Variants in GRIA4 observed in about 807,000 individuals in gnomAD.
GRIA4 encodes glutamate receptor 4.
Under a neutral mutation model 104.0 loss-of-function variants are expected in GRIA4, and 34 were observed. That is an observed-to-expected ratio of 0.33 (90% confidence interval 0.25 to 0.44). The LOEUF is 0.44. GRIA4 is among the 20% of genes least tolerant of loss of function. The pLI is 1.00. For missense variants in GRIA4, 750 were observed against 1,096.5 expected, an observed-to-expected ratio of 0.68 and a Z score of 4.46; for synonymous variants, 386 against 381.9, an observed-to-expected ratio of 1.01 and a Z score of -0.13.
chr11:105,909,210 A>G (rs1279930093), intron 9 of GRIA4, among the ~76,000 whole-genome samples: 1 of 152,160 alleles, frequency 6.6e-6, no homozygotes, highest in African/African-American at 2.4e-5. Flanking sequence ...CTGACACGTT[A>G]ATGCTTACTC....
chr11:105,951,682 T>C (rs1393719479), intron 14 of GRIA4, among the ~76,000 whole-genome samples: 4 of 152,166 alleles, frequency 2.6e-5, no homozygotes, highest in Non-Finnish European at 5.9e-5. Context: ...ACATTCAGTA[T>C]TTAAAAATGG....
At chr11:105,649,879 A>G (rs1443878587) in intron 3 of GRIA4, among the ~76,000 whole-genome samples, 1 of 152,112 alleles carries the variant, frequency 6.6e-6, no homozygotes, top group Non-Finnish European at 1.5e-5. Flanking sequence ...GTTCAAATAT[A>G]CAGGAATAAT....
intron 9 of GRIA4, 58 bp from the exon 10 acceptor site, chr11:105,910,377 G>C (rs1947193202): frequency 2.4e-6 from 2 of 827,798 alleles, no homozygotes; most frequent in Non-Finnish European, 4.2e-6. Flanking sequence ...ATTTTTCTAA[G>C]AAGAACTAGA....
At chr11:105,745,262 T>C (rs1292830449) in intron 3 of GRIA4, among the ~76,000 whole-genome samples, 1 of 152,190 alleles carries the variant, frequency 6.6e-6, no homozygotes, top group Non-Finnish European at 1.5e-5. Flanking sequence ...AAGTAATACG[T>C]TTGTTCGTAT....
intron 3 of GRIA4, among the ~76,000 whole-genome samples, chr11:105,692,508 T>A (rs1953125490): frequency 6.6e-6 from 1 of 152,208 alleles, no homozygotes; most frequent in African/African-American, 2.4e-5. Flanking sequence ...AGTCATAAGA[T>A]CAACCTGGAA....
intron 4 of GRIA4, among the ~76,000 whole-genome samples, chr11:105,819,146 G>T (rs564922703): frequency 1.4e-4 from 22 of 152,172 alleles, no homozygotes; most frequent in African/African-American, 4.1e-4. Context: ...AAGAACTAGG[G>T]CAACTAAAGG....
At chr11:105,931,954 T>C (rs1947888985) in intron 13 of GRIA4, among the ~76,000 whole-genome samples, 1 of 152,138 alleles carries the variant, frequency 6.6e-6, no homozygotes, top group Admixed American at 6.5e-5. Flanking sequence ...GAATTCTATA[T>C]TTTGGTAAAC....
intron 6 of GRIA4, among the ~76,000 whole-genome samples, chr11:105,890,327 T>C (rs1251573433): frequency 6.6e-6 from 1 of 152,214 alleles, no homozygotes; most frequent in East Asian, 1.9e-4. Flanking sequence ...AAGTAAGGAA[T>C]GTCACTGAAA....
intron 4 of GRIA4, among the ~76,000 whole-genome samples, chr11:105,774,765 C>G (rs1314363459): frequency 6.6e-6 from 1 of 152,148 alleles, no homozygotes; most frequent in African/African-American, 2.4e-5. Context: ...CAGTTTGAAA[C>G]TTTTGTATTA....
intron 4 of GRIA4, among the ~76,000 whole-genome samples, chr11:105,814,081 G>C (rs994510273): frequency 2.6e-5 from 4 of 152,172 alleles, no homozygotes; most frequent in African/African-American, 9.7e-5. Context: ...AAAAGAACTT[G>C]ATGTGTTGCA....
At chr11:105,822,337 C>T (rs2135905866) in intron 4 of GRIA4, among the ~76,000 whole-genome samples, 1 of 152,018 alleles carries the variant, frequency 6.6e-6, no homozygotes. Context: ...TTTCTGTTTT[C>T]TTTCAGTTTG....
At chr11:105,717,121 C>G (rs1433685132) in intron 3 of GRIA4, among the ~76,000 whole-genome samples, 1 of 152,014 alleles carries the variant, frequency 6.6e-6, no homozygotes, top group Non-Finnish European at 1.5e-5. Flanking sequence ...ATGAGGTTAA[C>G]ATTATCTTCA....
At chr11:105,799,925 G>C (rs1486504392) in intron 4 of GRIA4, among the ~76,000 whole-genome samples, 1 of 152,126 alleles carries the variant, frequency 6.6e-6, no homozygotes, top group Non-Finnish European at 1.5e-5. Flanking sequence ...CGTAGGCTCA[G>C]AGTAACAAAG....
chr11:105,893,238 T>C (rs867809677), intron 6 of GRIA4, among the ~76,000 whole-genome samples: 2 of 152,216 alleles, frequency 1.3e-5, no homozygotes, highest in South Asian at 4.1e-4. Flanking sequence ...TTCCTGACTA[T>C]GGAGTGAATA....
At chr11:105,924,984 T>G (rs1947665444) in intron 12 of GRIA4, among the ~76,000 whole-genome samples, 1 of 152,118 alleles carries the variant, frequency 6.6e-6, no homozygotes, top group Admixed American at 6.6e-5. Context: ...AACTATGCAA[T>G]CCATCAGAGC....
intron 3 of GRIA4, among the ~76,000 whole-genome samples, chr11:105,682,994 C>T (rs1349589850): frequency 6.6e-6 from 1 of 152,080 alleles, no homozygotes; most frequent in Non-Finnish European, 1.5e-5. Flanking sequence ...AAAAAACTAT[C>T]CTCTAATATT....
chr11:105,915,328 C>G (rs1291014111), intron 10 of GRIA4, among the ~76,000 whole-genome samples: 2 of 152,132 alleles, frequency 1.3e-5, no homozygotes, highest in Admixed American at 1.3e-4. Context: ...GAAGCCTTTT[C>G]TAGTCTTTGT....
At chr11:105,909,731 C>T (rs1256596565) in intron 9 of GRIA4, among the ~76,000 whole-genome samples, 1 of 152,040 alleles carries the variant, frequency 6.6e-6, no homozygotes, top group African/African-American at 2.4e-5. Context: ...CCATTAAGAT[C>T]CCATTGTAGC....
intron 3 of GRIA4, among the ~76,000 whole-genome samples, chr11:105,678,911 C>T (rs1221774730): frequency 1.3e-5 from 2 of 151,920 alleles, no homozygotes; most frequent in Non-Finnish European, 2.9e-5. Context: ...GTTAATTTTC[C>T]CCCTGGAAAA....
Sources: allele counts gnomAD v4.1 joint callset (sites outside exome capture counted in the v4.1 genomes callset), GRCh38; gene constraint gnomAD v4.1.1; transcripts MANE v1.5; gene names NCBI Gene and HGNC (gene_info 2026-07-23, HGNC 2026-07-21).